The following OSBPL10 variants were observed in gnomAD, a reference collection of about 807,000 sequenced individuals.
OSBPL10 encodes oxysterol binding protein like 10.
In OSBPL10, 49 loss-of-function variants were observed where a neutral mutation model predicts 81.7. That is an observed-to-expected ratio of 0.60 (90% CI 0.48 to 0.76). The LOEUF is 0.76. Among genes scored for constraint, OSBPL10 ranks in the 30% least tolerant of loss-of-function variants. The probability of loss-of-function intolerance (pLI) is 0.00; values close to 1 mark genes in which losing one functional copy is unlikely to be tolerated. For synonymous variants in OSBPL10, 419 were observed against 383.6 expected (o/e 1.09, Z -1.08); for missense variants, 923 against 987.8 (o/e 0.93, Z 0.88).
chr3:32,008,008 A>G (rs149490413), intron 2 of OSBPL10, among the ~76,000 whole-genome samples: 6 of 152,098 alleles, frequency 3.9e-5, no homozygotes, highest in Non-Finnish European at 7.4e-5. Context: ...CCCAGCCTCA[A>G]AATTCTTAAA....
intron 2 of OSBPL10, among the ~76,000 whole-genome samples, chr3:31,878,171 AC>A (rs1701526800): frequency 6.6e-6 from 1 of 152,316 alleles, no homozygotes; most frequent in Non-Finnish European, 1.5e-5. Flanking sequence ...TCTAAAAAAA[AC>A]CTAGGGCTTA....
chr3:31,863,076 G>A (rs1701097213), intron 3 of OSBPL10, among the ~76,000 whole-genome samples: 1 of 152,176 alleles, frequency 6.6e-6, no homozygotes, highest in Non-Finnish European at 1.5e-5. Context: ...CGGGATATTA[G>A]TCATAAAAAA....
chr3:31,845,023 A>C (rs1700594375), intron 3 of OSBPL10, among the ~76,000 whole-genome samples: 1 of 152,236 alleles, frequency 6.6e-6, no homozygotes, highest in South Asian at 2.1e-4. Context: ...TCAAAGCTGC[A>C]GTAAGCCGTG....
chr3:31,867,765 G>C (rs1355718286), intron 3 of OSBPL10, among the ~76,000 whole-genome samples: 1 of 137,466 alleles, frequency 7.3e-6, no homozygotes. Flanking sequence ...GAGGAAGGAA[G>C]GGAGGGAGGG....
chr3:31,877,435 A>G (rs572694294), intron 2 of OSBPL10, among the ~76,000 whole-genome samples: 1 of 152,272 alleles, frequency 6.6e-6, no homozygotes, highest in East Asian at 1.9e-4. Flanking sequence ...TCCATCTATA[A>G]CCTATCTCTC....
chr3:31,663,975 C>T (rs759532323), intron 11 of OSBPL10, 104 bp downstream of exon 11: 4 of 1,611,732 alleles, frequency 2.5e-6, no homozygotes, highest in East Asian at 2.2e-5. Context: ...CCTTCCCCTG[C>T]CTGGTATTTA....
chr3:32,029,088 CATAATAGGTAACACCTGAA>C (rs545932187), intron 2 of OSBPL10, among the ~76,000 whole-genome samples: 1 of 152,076 alleles, frequency 6.6e-6, no homozygotes, highest in Non-Finnish European at 1.5e-5. Context: ...AAGGCAGCCT[CATAATAGGTAACACCTGAA>C]ACTGGTGATC....
chr3:31,802,549 C>A (rs1192298934), intron 4 of OSBPL10, among the ~76,000 whole-genome samples: 720 of 94,574 alleles, frequency 7.6e-3, no homozygotes, highest in Non-Finnish European at 8.6e-3. Flanking sequence ...GCCTGGGTAT[C>A]AAAAAAAAAA....
intron 3 of OSBPL10, among the ~76,000 whole-genome samples, chr3:31,837,902 C>T (rs1700400016): frequency 6.6e-6 from 1 of 151,836 alleles, no homozygotes; most frequent in Non-Finnish European, 1.5e-5. Context: ...TGGAAATACA[C>T]ATATCAGGTA....
At chr3:31,709,474 T>A (rs1175871106) in intron 6 of OSBPL10, 1 of 152,126 alleles carries the variant, frequency 6.6e-6, no homozygotes, top group Admixed American at 6.5e-5. Context: ...TCAACAGGCG[T>A]TCCTTTAAAA....
Position 31,981,015 on chromosome 3 carries a change from G to C in OSBPL10, c.165C>G (p.Arg55=). 1 of 1,479,544 alleles carries C rather than the reference G, an allele frequency of 6.8e-7. No homozygotes were observed. The highest frequency in any genetic ancestry group is 8.9e-7 in the Non-Finnish European group (1 of 1,119,180). 91.7% of individuals were successfully genotyped at this position (1,479,544 alleles called of 1,614,324 possible). Residue 55 remains arginine, a synonymous_variant, in exon 1 of 12, where the codon CGC becomes CGG. Transcript: ENST00000396556. The surrounding 1 kb of genome is among the most constrained non-coding windows in gnomAD (Gnocchi z 4.5). The stretch of plus-strand genomic sequence containing the variant: ...TAGCGGCCACAGAGCCCGGGCTGCT[G>C]CGGCTTCCCCCGCCGCCGAGCCCGG... The part of the protein sequence containing the change: ...AAAGLGGGGS[R]SSPGSVAASP...
chr3:31,884,768 G>C (rs1272428474), intron 1 of OSBPL10, among the ~76,000 whole-genome samples: 2 of 152,126 alleles, frequency 1.3e-5, no homozygotes, highest in African/African-American at 4.8e-5. Context: ...ACAGAATAAG[G>C]CAAATCTAAT....
intron 4 of OSBPL10, among the ~76,000 whole-genome samples, chr3:31,750,207 C>A (rs936000734): frequency 6.6e-6 from 1 of 151,996 alleles, no homozygotes; most frequent in Non-Finnish European, 1.5e-5. Context: ...AAAAATTGCA[C>A]CTCCAGCCCA....
At chr3:31,843,597 G>A (rs911844805) in intron 3 of OSBPL10, among the ~76,000 whole-genome samples, 2 of 152,164 alleles carry the variant, frequency 1.3e-5, no homozygotes, top group African/African-American at 2.4e-5. Flanking sequence ...TGGTATGCTT[G>A]CTTTAATCTG....
At chr3:31,879,498 C>A (rs1238941779) in intron 2 of OSBPL10, 157 bp downstream of exon 2, 2 of 693,172 alleles carry the variant, frequency 2.9e-6, no homozygotes. Flanking sequence ...CATCTCCCCA[C>A]CCCAGGGATA....
intron 2 of OSBPL10, chr3:31,988,807 C>T: frequency 2.0e-6 from 1 of 498,260 alleles, no homozygotes; most frequent in East Asian, 3.4e-5. Context: ...ATGTGAGTGA[C>T]CTTGGAAGTA....
At chr3:31,796,997 T>TTC (rs1189291866) in intron 4 of OSBPL10, among the ~76,000 whole-genome samples, 2 of 143,098 alleles carry the variant, frequency 1.4e-5, no homozygotes, top group African/African-American at 2.6e-5. Context: ...TTATTAATTT[T>TTC]TTTTTTTTTT....
intron 3 of OSBPL10, among the ~76,000 whole-genome samples, chr3:31,853,654 CT>C (rs1263708166): frequency 6.6e-6 from 1 of 152,144 alleles, no homozygotes; most frequent in Non-Finnish European, 1.5e-5. Flanking sequence ...CTTCATTTTC[CT>C]ACTTATTATT....
At chr3:31,723,724 C>T (rs1182997364) in intron 6 of OSBPL10, among the ~76,000 whole-genome samples, 3 of 152,156 alleles carry the variant, frequency 2.0e-5, no homozygotes, top group East Asian at 1.9e-4. Context: ...AAGAACTCAT[C>T]GATTAACTCA....
Sources: gnomAD v4.1 joint callset for allele counts (sites outside exome capture counted in the v4.1 genomes callset) on GRCh38, gnomAD v4.1.1 for gene constraint, Gnocchi (gnomAD v3.1) non-coding constraint, MANE v1.5 for transcripts, NCBI Gene and HGNC (gene_info 2026-07-23, HGNC 2026-07-21) for gene names.